The following LRRC1 variants were observed in gnomAD, a reference collection of about 807,000 sequenced individuals.
LRRC1 encodes leucine-rich repeat-containing protein 1.
Under a neutral mutation model 69.9 loss-of-function variants are expected in LRRC1, and 28 were observed. The ratio of observed to expected loss-of-function variants is 0.40; its 90% CI spans 0.30 to 0.55. The LOEUF (loss-of-function observed/expected upper bound fraction) is 0.55. Among genes scored for constraint, LRRC1 ranks in the 20% least tolerant of loss-of-function variants. The pLI, the probability that LRRC1 is intolerant of heterozygous loss-of-function variation, is 0.47. For missense variants in LRRC1, 498 were observed against 609.0 expected, an observed-to-expected ratio of 0.82 and a Z score of 1.92; for synonymous variants, 236 against 240.2, an observed-to-expected ratio of 0.98 and a Z score of 0.16.
chr6:53,829,637 G>A (rs1054225529), intron 1 of LRRC1, among the ~76,000 whole-genome samples: 8 of 151,580 alleles, frequency 5.3e-5, no homozygotes, highest in Non-Finnish European at 8.8e-5. Context: ...TGACACGGGT[G>A]ATCTTGTTTC....
chr6:53,852,184 A>T (rs930523470), intron 2 of LRRC1, among the ~76,000 whole-genome samples: 2 of 152,216 alleles, frequency 1.3e-5, no homozygotes, highest in African/African-American at 2.4e-5. Flanking sequence ...GAGGCTGTGC[A>T]TGTAAATACC....
chr6:53,874,086 G>T (rs1766988324), intron 2 of LRRC1, among the ~76,000 whole-genome samples: 1 of 152,184 alleles, frequency 6.6e-6, no homozygotes, highest in African/African-American at 2.4e-5. Context: ...TGATGAATTT[G>T]CTTGTTTATT....
intron 2 of LRRC1, among the ~76,000 whole-genome samples, chr6:53,851,196 A>G (rs1766119414): frequency 8.1e-6 from 1 of 124,118 alleles, no homozygotes; most frequent in Non-Finnish European, 1.7e-5. Flanking sequence ...ACACACACAC[A>G]CACACACACG....
Position 53,919,558 on chromosome 6 carries a change from C to T in LRRC1, c.1167C>T (p.Asp389=). The T allele has an allele frequency of 6.2e-7, 1 of 1,612,692 alleles. No individual in the cohort carries two copies. Among genetic ancestry groups the T allele is most frequent in the Non-Finnish European group, 8.5e-7 (1 of 1,179,632 alleles). Residue 389 remains aspartate (D), a synonymous_variant, in exon 12 of 14, where the codon GAC becomes GAT. Coordinates refer to ENST00000370888, the MANE Select transcript of LRRC1 (RefSeq NM_018214.5). The part of the protein sequence containing the change: ...ALKLKALWLS[D]NQSQPLLTFQ... ...AGTTGAAGGCTCTGTGGCTATCTGA[C>T]AACCAGTCCCAGCCCCTGCTTACAT... is the stretch of plus-strand genomic sequence containing the variant.
At chr6:53,894,891 T>C (rs995700843) in intron 4 of LRRC1, among the ~76,000 whole-genome samples, 2 of 152,084 alleles carry the variant, frequency 1.3e-5, no homozygotes, top group African/African-American at 4.8e-5. Flanking sequence ...TGAAGAACGT[T>C]GGTGTTAATT....
intron 2 of LRRC1, among the ~76,000 whole-genome samples, chr6:53,872,081 G>A (rs1409043332): frequency 6.6e-6 from 1 of 152,078 alleles, no homozygotes; most frequent in Non-Finnish European, 1.5e-5. Context: ...ATAGTTTCAG[G>A]TCTTACATTT....
rs9474678 is a variant in LRRC1 at position 53,899,533 on chromosome 6, A to G, written c.643-214A>G. 4.7e-3 allele frequency among the ~76,000 whole-genome samples: 710 copies of G among 152,074 alleles called. 11 individuals carry two copies. Among genetic ancestry groups the G allele is most frequent in the East Asian group, 0.041 (211 of 5,152 alleles). On this transcript the variant is annotated intron_variant, in intron 7 of 13. Transcript: ENST00000370888. ...CTGCCTGAAAGGTGGAGGGCTTTGC[A>G]TCCCTCCCAGCTCTGGGTCTGTGAT...
At chr6:53,843,854 A>T (rs2127416849) in intron 2 of LRRC1, among the ~76,000 whole-genome samples, 1 of 152,088 alleles carries the variant, frequency 6.6e-6, no homozygotes, top group South Asian at 2.1e-4. Flanking sequence ...ACTTCTCTTT[A>T]CGTACAGTTT....
chr6:53,877,523 C>T (rs1294457812), intron 2 of LRRC1, among the ~76,000 whole-genome samples: 2 of 152,146 alleles, frequency 1.3e-5, no homozygotes, highest in African/African-American at 4.8e-5. Flanking sequence ...CCCTTATAAA[C>T]TGAATGCCTT....
At chr6:53,882,120 G>T (rs1015051135) in intron 3 of LRRC1, among the ~76,000 whole-genome samples, 3 of 152,154 alleles carry the variant, frequency 2.0e-5, no homozygotes, top group Non-Finnish European at 4.4e-5. Flanking sequence ...AGGCCAAGGC[G>T]GGTGGATCAC....
At chr6:53,895,369 A>C (rs1248441153) in intron 4 of LRRC1, among the ~76,000 whole-genome samples, 3 of 152,252 alleles carry the variant, frequency 2.0e-5, no homozygotes, top group Non-Finnish European at 4.4e-5. Context: ...GGTTTTAAGC[A>C]TGTATATACA....
chr6:53,884,783 A>G (rs1767419576), intron 4 of LRRC1, among the ~76,000 whole-genome samples: 1 of 152,184 alleles, frequency 6.6e-6, no homozygotes, highest in South Asian at 2.1e-4. Flanking sequence ...CTCACCCTCT[A>G]CTGTACTATT....
At chr6:53,900,332 C>T (rs934548445) in intron 8 of LRRC1, among the ~76,000 whole-genome samples, 3 of 152,116 alleles carry the variant, frequency 2.0e-5, no homozygotes, top group East Asian at 1.9e-4. Flanking sequence ...CCACCATGCC[C>T]GGCCTTGCTG....
intron 2 of LRRC1, among the ~76,000 whole-genome samples, chr6:53,858,802 G>A (rs1284670041): frequency 6.6e-6 from 1 of 152,180 alleles, no homozygotes; most frequent in East Asian, 1.9e-4. Flanking sequence ...GAATTATGTA[G>A]ATAAAGTTAA....
intron 1 of LRRC1, among the ~76,000 whole-genome samples, chr6:53,802,325 T>C (rs2127402358): frequency 6.6e-6 from 1 of 152,290 alleles, no homozygotes; most frequent in Middle Eastern, 3.4e-3. Flanking sequence ...ATAGAGTACC[T>C]GTGGGATGTT....
intron 1 of LRRC1, among the ~76,000 whole-genome samples, chr6:53,817,847 G>C (rs893584300): frequency 1.5e-4 from 23 of 151,988 alleles, no homozygotes; most frequent in African/African-American, 5.3e-4. Flanking sequence ...CAGTAATGTA[G>C]GTACTAAAAA....
At chr6:53,825,404 C>T (rs1765227933) in intron 1 of LRRC1, among the ~76,000 whole-genome samples, 1 of 152,172 alleles carries the variant, frequency 6.6e-6, no homozygotes, top group South Asian at 2.1e-4. Flanking sequence ...CCTGCTAGAC[C>T]AAGGAGACTG....
At position 53,796,250 on chromosome 6, in the gene LRRC1, C is replaced by T. The variant is rs528783148; in HGVS notation, c.159+835C>T. Among the ~76,000 whole-genome samples, 5 of 152,328 alleles carry T rather than the reference C, an allele frequency of 3.3e-5. No individual in the cohort carries two copies. In the South Asian group the frequency reaches 1.0e-3, roughly 32 times the overall value. ...TTATGTAAATTGATCACTCCATTGC[C>T]GCCGAACTTGTCAAGCGACATGTGC... On this transcript the variant is annotated intron_variant, in intron 1 of 13. Transcript: ENST00000370888.
intron 11 of LRRC1, chr6:53,918,952 A>C (rs2127442929): frequency 6.6e-6 from 1 of 152,436 alleles, no homozygotes; most frequent in East Asian, 1.9e-4. Flanking sequence ...CCCTAGAGAA[A>C]GCAAATGGAG....
Sources: gnomAD v4.1 joint callset for allele counts (sites outside exome capture counted in the v4.1 genomes callset) on GRCh38, gnomAD v4.1.1 for gene constraint, MANE v1.5 for transcripts, NCBI Gene and HGNC (gene_info 2026-07-23, HGNC 2026-07-21) for gene names.